ZNF804B: variants seen among roughly 807,000 people sequenced by gnomAD.
ZNF804B encodes the protein zinc finger protein 804B.
A neutral mutation model predicts 101.4 loss-of-function variants in ZNF804B; 80 were observed. The ratio of observed to expected loss-of-function variants is 0.79; its 90% confidence interval spans 0.66 to 0.95. The LOEUF (loss-of-function observed/expected upper bound fraction) is 0.95. Ranked by LOEUF, ZNF804B falls within the 40% of genes least tolerant of loss-of-function variation. The pLI, the probability that ZNF804B is intolerant of heterozygous loss-of-function variation, is 0.00. For missense variants in ZNF804B, 1,673 were observed against 1,561.9 expected, an observed-to-expected ratio of 1.07 and a Z score of -1.20; for synonymous variants, 622 against 558.8, an observed-to-expected ratio of 1.11 and a Z score of -1.59.
chr7:88,784,502 A>G (rs906693110), intron 1 of ZNF804B, among the ~76,000 whole-genome samples: 2 of 152,184 alleles, frequency 1.3e-5, no homozygotes, highest in African/African-American at 4.8e-5. Context: ...TGAATCTCAC[A>G]TGAAAGGACA....
At chr7:89,277,489 C>G (rs1335967553) in intron 2 of ZNF804B, among the ~76,000 whole-genome samples, 1 of 49,250 alleles carries the variant, frequency 2.0e-5, no homozygotes, top group Non-Finnish European at 4.6e-5. Flanking sequence ...TCCCCCCTCC[C>G]CCCTCCCCCC....
At chr7:89,233,007 C>T (rs932521016) in intron 2 of ZNF804B, among the ~76,000 whole-genome samples, 5 of 152,102 alleles carry the variant, frequency 3.3e-5, no homozygotes, top group East Asian at 3.9e-4. Flanking sequence ...CTGCAAGCTC[C>T]GCCTCCCGGG....
chr7:89,004,400 G>A lies in ZNF804B; in HGVS notation c.109-213755G>A, dbSNP rs889621117. On this transcript the variant is annotated intron_variant, in intron 1 of 3. Transcript: ENST00000333190. ...CATAAAAATTAAGAGGATGCATATA[G>A]AACAGTTGAATTACTTACACAGGGA... 2.0e-5 allele frequency among the ~76,000 whole-genome samples: 3 copies of A among 151,798 alleles called. No homozygotes were observed. In the East Asian group the frequency reaches 5.8e-4, roughly 29 times the overall value.
intron 1 of ZNF804B, among the ~76,000 whole-genome samples, chr7:89,160,413 A>C (rs1302034425): frequency 6.6e-6 from 1 of 152,130 alleles, no homozygotes; most frequent in Non-Finnish European, 1.5e-5. Context: ...TGGTTTCAAA[A>C]CCTTATGTAT....
At chr7:89,046,591 T>G (rs768793973) in intron 1 of ZNF804B, among the ~76,000 whole-genome samples, 4 of 152,158 alleles carry the variant, frequency 2.6e-5, no homozygotes, top group Admixed American at 2.6e-4. Context: ...CAAATATACC[T>G]CCTTAAAACA....
intron 1 of ZNF804B, among the ~76,000 whole-genome samples, chr7:89,169,246 C>T (rs1354638080): frequency 6.6e-6 from 1 of 152,122 alleles, no homozygotes; most frequent in Non-Finnish European, 1.5e-5. Context: ...CGGACCTGAA[C>T]AGTGTACACT....
intron 1 of ZNF804B, among the ~76,000 whole-genome samples, chr7:89,071,781 T>TAC (rs36061852): frequency 0.025 from 3,690 of 147,802 alleles, 104 homozygotes; most frequent in African/African-American, 0.075. Context: ...CACACAAATG[T>TAC]ACACACACAC....
chr7:89,019,759 G>A (rs1296046958), intron 1 of ZNF804B, among the ~76,000 whole-genome samples: 2 of 151,886 alleles, frequency 1.3e-5, no homozygotes, highest in Admixed American at 6.6e-5. Flanking sequence ...TTTTGACTTA[G>A]TCTGTTTTAG....
intron 2 of ZNF804B, among the ~76,000 whole-genome samples, chr7:89,244,236 TC>T (rs1203666797): frequency 6.6e-6 from 1 of 152,084 alleles, no homozygotes; most frequent in East Asian, 1.9e-4. Flanking sequence ...TTTGTTTATC[TC>T]TCAGAATTTG....
chr7:88,777,518 C>G (rs911457743), intron 1 of ZNF804B, among the ~76,000 whole-genome samples: 1 of 152,032 alleles, frequency 6.6e-6, no homozygotes, highest in African/African-American at 2.4e-5. Flanking sequence ...AGACAAATAC[C>G]CAGCACTGTA....
At chr7:88,814,019 T>C (rs13224802) in intron 1 of ZNF804B, among the ~76,000 whole-genome samples, 58,294 of 151,942 alleles carry the variant, frequency 0.38, 11,582 homozygotes, top group East Asian at 0.51. Flanking sequence ...AAGACACTTC[T>C]GGAAGTGTGA....
At chr7:89,010,936 C>A (rs992974979) in intron 1 of ZNF804B, among the ~76,000 whole-genome samples, 2 of 152,248 alleles carry the variant, frequency 1.3e-5, no homozygotes, top group Admixed American at 1.3e-4. Flanking sequence ...TATTATTGGG[C>A]AAAAGTTTTT....
At chr7:89,227,153 G>A (rs963899806) in intron 2 of ZNF804B, among the ~76,000 whole-genome samples, 2 of 151,940 alleles carry the variant, frequency 1.3e-5, no homozygotes, top group Admixed American at 6.6e-5. Context: ...CCTGATTTTG[G>A]TGGAACCTAT....
At chr7:89,061,641 T>G (rs1789381603) in intron 1 of ZNF804B, among the ~76,000 whole-genome samples, 1 of 152,124 alleles carries the variant, frequency 6.6e-6, no homozygotes, top group Admixed American at 6.6e-5. Context: ...TGTAACCTTG[T>G]GTGAGTTACT....
chr7:88,793,268 AT>A (rs931617320), intron 1 of ZNF804B, among the ~76,000 whole-genome samples: 3 of 152,122 alleles, frequency 2.0e-5, no homozygotes, highest in African/African-American at 7.2e-5. Flanking sequence ...TCACATAGAA[AT>A]TATATATAAT....
chr7:89,317,722 C>T (rs1322983088), intron 2 of ZNF804B, among the ~76,000 whole-genome samples: 3 of 152,186 alleles, frequency 2.0e-5, no homozygotes, highest in African/African-American at 7.2e-5. Flanking sequence ...GTGCATAAGT[C>T]TCATCCAGTC....
chr7:89,155,575 T>G lies in ZNF804B; in HGVS notation c.109-62580T>G, dbSNP rs546804348. On this transcript the variant is annotated intron_variant, in intron 1 of 3. Coordinates refer to ENST00000333190, the MANE Select transcript of ZNF804B (RefSeq NM_181646.5). The stretch of plus-strand genomic sequence containing the variant: ...TAATAATTTTGTTCTCTTTCATTGT[T>G]TTGGTCCATTTTCTCCTGAATCAGG... Among the ~76,000 whole-genome samples, 7 of 152,270 alleles carry G rather than the reference T, an allele frequency of 4.6e-5. No individual in the cohort carries two copies. In the East Asian group the frequency reaches 9.7e-4, roughly 21 times the overall value.
intron 1 of ZNF804B, among the ~76,000 whole-genome samples, chr7:88,857,249 A>G: frequency 6.6e-6 from 1 of 152,170 alleles, no homozygotes; most frequent in East Asian, 1.9e-4. Context: ...GAAGGCAAGA[A>G]ATAACTAAGA....
chr7:89,241,200 A>G (rs961960694), intron 2 of ZNF804B, among the ~76,000 whole-genome samples: 1 of 152,094 alleles, frequency 6.6e-6, no homozygotes, highest in African/African-American at 2.4e-5. Context: ...CAAATCCCTA[A>G]CAAATAACCC....
Sources: allele counts gnomAD v4.1 joint callset (sites outside exome capture counted in the v4.1 genomes callset), GRCh38; gene constraint gnomAD v4.1.1; transcripts MANE v1.5; gene names NCBI Gene and HGNC (gene_info 2026-07-23, HGNC 2026-07-21).